HSPB1: variants seen among roughly 807,000 people sequenced by gnomAD.
HSPB1 encodes the protein heat shock protein beta-1.
Under a neutral mutation model 17.0 loss-of-function variants are expected in HSPB1, and 19 were observed. That is an observed-to-expected ratio of 1.12 (90% confidence interval 0.78 to 1.64). HSPB1 has a LOEUF of 1.64. HSPB1 is among the 40% of genes most tolerant of loss of function. The pLI is 0.00. For synonymous variants in HSPB1, 165 were observed against 129.8 expected, an observed-to-expected ratio of 1.27 and a Z score of -1.84; for missense variants, 348 against 289.2, an observed-to-expected ratio of 1.20 and a Z score of -1.47.
chr7:76,303,868 G>A lies in HSPB1; in HGVS notation c.428+3G>A, dbSNP rs756356926. 6.2e-7 allele frequency: 1 copy of A among 1,600,362 alleles called. No homozygotes were observed. The highest frequency in any genetic ancestry group is 1.3e-5 in the African/African-American group (1 of 74,354). On this transcript the variant is annotated splice_donor_region_variant and intron_variant, in intron 2 of 2. Transcript: ENST00000248553. ...CGGTGCTTCACGCGGAAATACACGT[G>A]AGTCCTGGCGCCAGGTCGGGGTGGG... is the stretch of plus-strand genomic sequence containing the variant.
Position 76,303,807 on chromosome 7 carries a change from C to T in HSPB1, c.370C>T (p.His124Tyr), listed in dbSNP as rs1803058316. The T allele has an allele frequency of 6.2e-7, 1 of 1,610,482 alleles. No homozygotes were observed. The highest frequency in any genetic ancestry group is 1.3e-5 in the African/African-American group (1 of 74,554). ...TTTCCCTCTTCCCCCCAAAGGCAAG[C>T]ACGAGGAGCGGCAGGACGAGCATGG... Reference protein sequence around the residue: ...KDGVVEITGKHEERQDEHGYI... With the variant: ...KDGVVEITGKYEERQDEHGYI... Residue 124 changes from histidine (H) to tyrosine (Y), a missense_variant, in exon 2 of 3, where the codon CAC becomes TAC. Transcript: ENST00000248553.
chr7:76,303,720 A>T, intron 1 of HSPB1, 82 bp from the exon 2 acceptor site: 1 of 1,244,802 alleles, frequency 8.0e-7, no homozygotes, highest in Non-Finnish European at 1.2e-6. Context: ...GCTGCTTCCA[A>T]GCAGGAGGTG....
In HSPB1 at chr7:76,304,141, G is replaced by A. The variant is rs751376389; in HGVS notation, c.586G>A (p.Ala196Thr). 6.2e-7 allele frequency: 1 copy of A among 1,612,392 alleles called. No individual in the cohort carries two copies. The highest frequency in any genetic ancestry group is 2.2e-5 in the East Asian group (1 of 44,804). The change falls in exon 3 of 3, where the codon GCT (alanine) becomes ACT (threonine). Residue 196 changes from alanine (A) to threonine (T), a missense_variant. Physicochemically the swap from Ala to Thr is moderately conservative, Grantham distance 58. Transcript: ENST00000248553. ...GCGGGCCCAGCTTGGGGGCCCAGAA[G>A]CTGCAAAATCCGATGAGACTGCCGC... is the stretch of plus-strand genomic sequence containing the variant. ...ESRAQLGGPE[A>T]AKSDETAAK is the part of the protein sequence containing the mutation.
At position 76,303,158 on chromosome 7, in the gene HSPB1, C is replaced by G; in HGVS notation, c.364+82C>G. 12 of 1,459,596 alleles carry G rather than the reference C, an allele frequency of 8.2e-6. No individual in the cohort carries two copies. The South Asian group carries it at 9.0e-5, about 11-fold the overall frequency. The allele number at this position is 1,459,596 out of a possible 1,614,324, so 90.4% of individuals were successfully genotyped here. A position where few individuals can be genotyped will look rare whatever the true frequency, so the allele number is the denominator to read the frequency against. ...GGGGGCGTGCGGTTGAAACGGGGGT[C>G]CCGGGGGCCTGGGGAGTTAAACGTT... On this transcript the variant is annotated intron_variant, in intron 1 of 2. Transcript: ENST00000248553.
At position 76,304,254 on chromosome 7, in the gene HSPB1, A is replaced by G; in HGVS notation, c.*81A>G. ...ACCTGTGTGTTCTTTTGATACATTTATCTTCTGTTTTTCTCAAATAAAGTT... is the reference window on the plus strand; with the variant it reads ...ACCTGTGTGTTCTTTTGATACATTTGTCTTCTGTTTTTCTCAAATAAAGTT... On this transcript the variant is annotated 3_prime_UTR_variant, in exon 3 of 3. Transcript: ENST00000248553. The G allele has an allele frequency of 1.5e-6, 2 of 1,333,888 alleles. No homozygotes were observed. The highest frequency in any genetic ancestry group is 2.0e-5 in the Admixed American group (1 of 51,026). 82.6% of individuals were successfully genotyped at this position (1,333,888 alleles called of 1,614,324 possible). A position where few individuals can be genotyped will look rare whatever the true frequency, so the allele number is the denominator to read the frequency against.
chr7:76,303,335 C>A, intron 1 of HSPB1: 1 of 527,302 alleles, frequency 1.9e-6, no homozygotes, highest in Non-Finnish European at 3.3e-6. Flanking sequence ...CAAGACTAGC[C>A]TGGGCAACAT....
At position 76,302,977 on chromosome 7, in the gene HSPB1, C is replaced by T. The variant is rs897219082; in HGVS notation, c.265C>T (p.Arg89Trp). 2 of 1,543,662 alleles carry T rather than the reference C, an allele frequency of 1.3e-6. No homozygotes were observed. The highest frequency in any genetic ancestry group is 1.7e-6 in the Non-Finnish European group (2 of 1,150,054). Residue 89 changes from arginine (R) to tryptophan (W), a missense_variant, in exon 1 of 3, where the codon CGG becomes TGG. By Grantham distance (101) the Arg-to-Trp change is moderately radical (BLOSUM62 -3). Coordinates refer to ENST00000248553, the MANE Select transcript of HSPB1 (RefSeq NM_001540.5). ...ACTCAGCAGCGGGGTCTCGGAGATC[C>T]GGCACACTGCGGACCGCTGGCGCGT... ...RQLSSGVSEI[R>W]HTADRWRVSL...
Position 76,304,249 on chromosome 7 carries a change from C to G in HSPB1, c.*76C>G. The stretch of plus-strand genomic sequence containing the variant: ...CCGCCACCTGTGTGTTCTTTTGATA[C>G]ATTTATCTTCTGTTTTTCTCAAATA... On this transcript the variant is annotated 3_prime_UTR_variant, in exon 3 of 3. Transcript: ENST00000248553. 3 of 1,333,254 alleles carry G rather than the reference C, an allele frequency of 2.3e-6. No individual in the cohort carries two copies. Among genetic ancestry groups the G allele is most frequent in the South Asian group, 1.2e-5 (1 of 80,284 alleles). The allele number at this position is 1,333,254 out of a possible 1,614,324, so 82.6% of individuals were successfully genotyped here.
chr7:76,303,525 C>T (rs1803046736), intron 1 of HSPB1: 2 of 577,610 alleles, frequency 3.5e-6, no homozygotes, highest in Non-Finnish European at 6.2e-6. Flanking sequence ...TTTCTAGCCG[C>T]TGAGTGGGCG....
rs750305512 is a variant in HSPB1 at position 76,303,972 on chromosome 7, C to G, written c.429-12C>G. 26 of 1,613,452 alleles carry G rather than the reference C, an allele frequency of 1.6e-5. No homozygotes were observed. Among genetic ancestry groups the G allele is most frequent in the Non-Finnish European group, 2.1e-5 (25 of 1,179,960 alleles). On this transcript the variant is annotated splice_polypyrimidine_tract_variant and intron_variant, in intron 2 of 2. Transcript: ENST00000248553. ...GTAATGTAACGCTTGCCTTTCCTCTCTGCACGTCCAGGCTGCCCCCCGGTG... is the reference window on the plus strand; with the variant it reads ...GTAATGTAACGCTTGCCTTTCCTCTGTGCACGTCCAGGCTGCCCCCCGGTG...
At chr7:76,303,564 C>T (rs1803048821) in intron 1 of HSPB1, 3 of 595,362 alleles carry the variant, frequency 5.0e-6, no homozygotes, top group South Asian at 4.0e-5. Flanking sequence ...CGCCTGCGTA[C>T]TGCTCACTCC....
At chr7:76,303,956 C>T (rs752769092) in intron 2 of HSPB1, 28 bp from the exon 3 acceptor site, 6 of 1,612,808 alleles carry the variant, frequency 3.7e-6, no homozygotes, top group South Asian at 1.1e-5. Flanking sequence ...TGTAATGTAA[C>T]GCTTGCCTTT....
chr7:76,303,857 GA>G lies in HSPB1; in HGVS notation c.423del (p.Lys141AsnfsTer23). ...HGYISRCFTR[K>X]YTLPPGVDPT... ...GCTACATCTCCCGGTGCTTCACGCG[GA>G]AATACACGTGAGTCCTGGCGCCAGG... On this transcript the variant is annotated frameshift_variant, in exon 2 of 3. Transcript: ENST00000248553. LOFTEE classifies it high-confidence loss of function. The G allele has an allele frequency of 7.1e-7, 1 of 1,404,136 alleles. No individual in the cohort carries two copies. The highest frequency in any genetic ancestry group is 9.7e-7 in the Non-Finnish European group (1 of 1,026,438). The allele number at this position is 1,404,136 out of a possible 1,614,324, so 87.0% of individuals were successfully genotyped here. A position where few individuals can be genotyped will look rare whatever the true frequency, so the allele number is the denominator to read the frequency against.
At chr7:76,303,356 GC>G (rs932658890) in intron 1 of HSPB1, 17 of 498,280 alleles carry the variant, frequency 3.4e-5, no homozygotes, top group East Asian at 2.3e-4. Context: ...AGCGAGACGC[GC>G]CCCCCCGCCC....
chr7:76,302,854 G>T lies in HSPB1; in HGVS notation c.142G>T (p.Gly48Cys), dbSNP rs546699221. 6.3e-7 allele frequency: 1 copy of T among 1,591,716 alleles called. No homozygotes were observed. Among genetic ancestry groups the T allele is most frequent in the South Asian group, 1.1e-5 (1 of 88,974 alleles). The change falls in exon 1 of 3, where the codon GGC (glycine) becomes TGC (cysteine). Residue 48 changes from glycine to cysteine, a missense_variant. By Grantham distance (159) the Gly-to-Cys change is radical. Coordinates refer to ENST00000248553, the MANE Select transcript of HSPB1 (RefSeq NM_001540.5). ...GGAGGAGTGGTCGCAGTGGTTAGGC[G>T]GCAGCAGCTGGCCAGGCTACGTGCG... ...LPEEWSQWLGGSSWPGYVRPL... is the reference protein window; with the variant it reads ...LPEEWSQWLGCSSWPGYVRPL...
chr7:76,304,281 A>T lies in HSPB1; in HGVS notation c.*108A>T, dbSNP rs868684465. 3 of 1,182,074 alleles carry T rather than the reference A, an allele frequency of 2.5e-6. No individual in the cohort carries two copies. The South Asian group carries it at 3.9e-5, about 16-fold the overall frequency. The allele number at this position is 1,182,074 out of a possible 1,614,324, so 73.2% of individuals were successfully genotyped here. A position where few individuals can be genotyped will look rare whatever the true frequency, so the allele number is the denominator to read the frequency against. On this transcript the variant is annotated 3_prime_UTR_variant, in exon 3 of 3. Coordinates refer to ENST00000248553, the MANE Select transcript of HSPB1 (RefSeq NM_001540.5). Reference sequence around the variant, plus strand: ...CTTCTGTTTTTCTCAAATAAAGTTCAAAGCAACCACCTGTCACTGGCCCAG... The same window carrying T: ...CTTCTGTTTTTCTCAAATAAAGTTCTAAGCAACCACCTGTCACTGGCCCAG...
intron 1 of HSPB1, chr7:76,303,415 G>C (rs959109024): frequency 1.1e-5 from 5 of 443,482 alleles, no homozygotes; most frequent in African/African-American, 8.7e-5. Flanking sequence ...TTTTTTTAAA[G>C]ATCATCGATG....
At chr7:76,303,554 C>T (rs936528325) in intron 1 of HSPB1, 26 of 586,644 alleles carry the variant, frequency 4.4e-5, no homozygotes, top group African/African-American at 1.3e-4. Context: ...GCTCCAAGTG[C>T]GCCTGCGTAC....
chr7:76,303,903 T>C (rs1186316391), intron 2 of HSPB1, 38 bp downstream of exon 2: 17 of 842,280 alleles, frequency 2.0e-5, no homozygotes, highest in Non-Finnish European at 3.3e-5. Context: ...GTGGGTGGCG[T>C]GGGGGTGGGG....
Sources: allele counts gnomAD v4.1 joint callset, GRCh38; gene constraint gnomAD v4.1.1; transcripts MANE v1.5; gene names NCBI Gene and HGNC (gene_info 2026-07-23, HGNC 2026-07-21).